The following CLASP1 variants were observed in gnomAD, a reference collection of about 807,000 sequenced individuals.
CLASP1 encodes CLIP-associating protein 1.
In CLASP1, 38 loss-of-function variants were observed where a neutral mutation model predicts 192.3. That is an observed-to-expected ratio of 0.20 (90% CI 0.15 to 0.26). The LOEUF is 0.26. Ranked by LOEUF, CLASP1 falls within the 10% of genes least tolerant of loss-of-function variation. CLASP1 has a pLI of 1.00. For missense variants in CLASP1, 1,433 were observed against 1,932.5 expected (o/e 0.74, Z 4.85); for synonymous variants, 691 against 712.8 (o/e 0.97, Z 0.49).
chr2:121,497,565 C>A (rs1234442373), intron 8 of CLASP1, among the ~76,000 whole-genome samples: 1 of 151,904 alleles, frequency 6.6e-6, no homozygotes, highest in Non-Finnish European at 1.5e-5. Flanking sequence ...ATATGTGTAA[C>A]CAGGGAAAAA....
At chr2:121,351,742 A>G (rs991265566) in intron 37 of CLASP1, among the ~76,000 whole-genome samples, 11 of 152,238 alleles carry the variant, frequency 7.2e-5, no homozygotes, top group African/African-American at 9.6e-5. Context: ...GCTCCGGATC[A>G]GCATGGCTTA....
intron 17 of CLASP1, 146 bp downstream of exon 17, chr2:121,448,807 T>A (rs2084867153): frequency 1.3e-6 from 1 of 745,492 alleles, no homozygotes; most frequent in Admixed American, 2.7e-5. Flanking sequence ...CATGGTGGTA[T>A]CTTACTTTGC....
In CLASP1 at chr2:121,575,509, C is replaced by T. The variant is rs7569872; in HGVS notation, c.195+30192G>A. ...AATGTATCAGATTCTGAAGCTCACA[C>T]ACCACAAAGTAAAAGGGAGAAAGTA... On this transcript the variant is annotated intron_variant, in intron 2 of 39. Transcript: ENST00000263710. Among the ~76,000 whole-genome samples, 1,484 of 152,228 alleles carry T rather than the reference C, an allele frequency of 9.7e-3. 27 individuals are homozygous for T. Among genetic ancestry groups the T allele is most frequent in the African/African-American group, 0.033 (1,379 of 41,534 alleles).
rs114731387 is a variant in CLASP1, at chr2:121,411,776, A to G, written c.2321-807T>C. Reference sequence around the variant, plus strand: ...TTTTAAAGTCCCATTAAATCAGCTGACCAACCTTCCTTAGGAAGTGCTGGA... The same window carrying G: ...TTTTAAAGTCCCATTAAATCAGCTGGCCAACCTTCCTTAGGAAGTGCTGGA... On this transcript the variant is annotated intron_variant, in intron 23 of 39. Transcript: ENST00000263710. Among the ~76,000 whole-genome samples the G allele has an allele frequency of 7.2e-3, 1,094 of 152,278 alleles. 10 individuals are homozygous for G. Among genetic ancestry groups the G allele is most frequent in the African/African-American group, 0.024 (1,003 of 41,580 alleles).
rs145374621 is a variant in CLASP1 at position 121,477,274 on chromosome 2, C to A, written c.713-7314G>T. Among the ~76,000 whole-genome samples, 274 of 152,314 alleles carry A rather than the reference C, an allele frequency of 1.8e-3. 3 individuals are homozygous for A. The highest frequency in any genetic ancestry group is 2.7e-3 in the Non-Finnish European group (187 of 68,018). On this transcript the variant is annotated intron_variant, in intron 8 of 39. Coordinates refer to ENST00000263710, the Ensembl canonical transcript of CLASP1. Reference sequence around the variant, plus strand: ...GCAAAATTTGTGAATGGATGAAAATCTTTTCTCATATATCTTTTTTAGAAG... The same window carrying A: ...GCAAAATTTGTGAATGGATGAAAATATTTTCTCATATATCTTTTTTAGAAG...
At chr2:121,450,851 C>T (rs2085333398) in intron 16 of CLASP1, 62 bp downstream of exon 16, 4 of 1,211,998 alleles carry the variant, frequency 3.3e-6, no homozygotes, top group East Asian at 2.3e-5. Flanking sequence ...TAAGGCAATC[C>T]TATAATTCAT....
intron 6 of CLASP1, among the ~76,000 whole-genome samples, chr2:121,525,048 A>G (rs1175138041): frequency 6.6e-6 from 1 of 152,230 alleles, no homozygotes; most frequent in Non-Finnish European, 1.5e-5. Context: ...GCAGTTATCA[A>G]CCAAGATTTC....
At chr2:121,472,836 C>G (rs1201666918) in intron 8 of CLASP1, among the ~76,000 whole-genome samples, 1 of 152,148 alleles carries the variant, frequency 6.6e-6, no homozygotes, top group African/African-American at 2.4e-5. Context: ...AATGGAGACC[C>G]CCAGAGAGTC....
At chr2:121,546,490 G>A (rs1424975108) in intron 2 of CLASP1, among the ~76,000 whole-genome samples, 2 of 151,980 alleles carry the variant, frequency 1.3e-5, no homozygotes, top group African/African-American at 4.8e-5. Flanking sequence ...AGCAAGGCAG[G>A]ACGGTGGCCC....
At chr2:121,470,105 G>A in intron 8 of CLASP1, 145 bp from the exon 9 acceptor site, 1 of 711,104 alleles carries the variant, frequency 1.4e-6, no homozygotes, top group Non-Finnish European at 2.3e-6. Flanking sequence ...GCTCCTCTAG[G>A]GTCTGGAAAG....
chr2:121,447,389 C>G (rs537126640), exon 19 of CLASP1: 3 of 1,583,340 alleles, frequency 1.9e-6, no homozygotes, highest in Non-Finnish European at 1.7e-6. Context: ...TGAAAGGCGT[C>G]GTGCCCGAAG....
intron 19 of CLASP1, 94 bp from the exon 20 acceptor site, chr2:121,430,271 C>A: frequency 1.1e-6 from 1 of 871,250 alleles, no homozygotes; most frequent in Non-Finnish European, 1.8e-6. Flanking sequence ...GGGGCACTGA[C>A]CAGCCAACTA....
At chr2:121,342,061 C>T (rs1366538409) in intron 39 of CLASP1, among the ~76,000 whole-genome samples, 1 of 151,922 alleles carries the variant, frequency 6.6e-6, no homozygotes, top group African/African-American at 2.4e-5. Context: ...TTAACATATT[C>T]TTAAACAACC....
At chr2:121,396,299 A>T (rs1266573522) in intron 30 of CLASP1, among the ~76,000 whole-genome samples, 1 of 152,236 alleles carries the variant, frequency 6.6e-6, no homozygotes, top group Non-Finnish European at 1.5e-5. Context: ...CAGTGGAGAT[A>T]AAGCTTTGCA....
chr2:121,597,814 T>G lies in CLASP1; in HGVS notation c.195+7887A>C, dbSNP rs111908611. Among the ~76,000 whole-genome samples the G allele has an allele frequency of 6.3e-3, 967 of 152,364 alleles. 12 individuals carry two copies. The highest frequency in any genetic ancestry group is 0.022 in the African/African-American group (923 of 41,578). On this transcript the variant is annotated intron_variant, in intron 2 of 39. Coordinates refer to ENST00000263710, the Ensembl canonical transcript of CLASP1. ...GATGTGAGGCTGCATGTTACTGCAC[T>G]GCTGCGCAGAATCAAAGCTGTCAAG...
Position 121,384,880 on chromosome 2 carries a change from C to T in CLASP1, c.3374+2242G>A, listed in dbSNP as rs528777892. Among the ~76,000 whole-genome samples, 196 of 152,160 alleles carry T rather than the reference C, an allele frequency of 1.3e-3. 3 individuals carry two copies. Among genetic ancestry groups the T allele is most frequent in the Non-Finnish European group, 2.2e-4 (15 of 68,010 alleles). The stretch of plus-strand genomic sequence containing the variant: ...TGGGTGACAGAGTGAGACTTAATCT[C>T]TAAATAAATTAATTAATTAATTAAT... On this transcript the variant is annotated intron_variant, in intron 32 of 39. Coordinates refer to ENST00000263710, the Ensembl canonical transcript of CLASP1.
chr2:121,456,081 C>G (rs1029848639), intron 14 of CLASP1, among the ~76,000 whole-genome samples: 1 of 151,652 alleles, frequency 6.6e-6, no homozygotes, highest in Non-Finnish European at 1.5e-5. Context: ...GTTCTCACCA[C>G]AAAAAAATAA....
chr2:121,596,375 A>G (rs1202778670), intron 2 of CLASP1, among the ~76,000 whole-genome samples: 2 of 152,250 alleles, frequency 1.3e-5, no homozygotes, highest in Admixed American at 1.3e-4. Context: ...TGGTGGCAGT[A>G]GCGAGGAGAC....
chr2:121,552,119 G>A (rs2058097753), intron 2 of CLASP1, among the ~76,000 whole-genome samples: 1 of 152,214 alleles, frequency 6.6e-6, no homozygotes, highest in Non-Finnish European at 1.5e-5. Context: ...AAATGGTGCT[G>A]AGATAACTGG....
Sources: allele counts gnomAD v4.1 joint callset (sites outside exome capture counted in the v4.1 genomes callset), GRCh38; gene constraint gnomAD v4.1.1; transcripts MANE v1.5; gene names NCBI Gene and HGNC (gene_info 2026-07-23, HGNC 2026-07-21).